UBE2E2: variants seen among roughly 807,000 people sequenced by gnomAD.
UBE2E2 encodes the protein ubiquitin-conjugating enzyme E2 E2.
UBE2E2 carries 6 observed loss-of-function variants against 24.7 expected under a neutral mutation model. That is an observed-to-expected ratio of 0.24 (90% confidence interval 0.13 to 0.48). The LOEUF is 0.48. Ranked by LOEUF, UBE2E2 falls within the 20% of genes least tolerant of loss-of-function variation. UBE2E2 has a pLI of 0.99. For synonymous variants in UBE2E2, 104 were observed against 83.6 expected (o/e 1.24, Z -1.33); for missense variants, 169 against 245.0 (o/e 0.69, Z 2.07).
At chr3:23,293,104 T>TGTG (rs200855375) in intron 3 of UBE2E2, among the ~76,000 whole-genome samples, 1 of 152,220 alleles carries the variant, frequency 6.6e-6, no homozygotes, top group Admixed American at 6.5e-5. Context: ...GTATCCTTTT[T>TGTG]GTGGTGGTGG....
At chr3:23,432,407 A>G (rs1221405773) in intron 3 of UBE2E2, among the ~76,000 whole-genome samples, 5 of 152,086 alleles carry the variant, frequency 3.3e-5, no homozygotes, top group African/African-American at 9.7e-5. Flanking sequence ...TTTAAAAGCA[A>G]ATTTCTAGAA....
At chr3:23,310,063 A>G (rs1022204466) in intron 3 of UBE2E2, among the ~76,000 whole-genome samples, 1 of 152,230 alleles carries the variant, frequency 6.6e-6, no homozygotes, top group East Asian at 1.9e-4. Flanking sequence ...CCCATGTTCA[A>G]CAGACCGAGA....
At chr3:23,549,155 A>G (rs559591246) in intron 5 of UBE2E2, among the ~76,000 whole-genome samples, 1 of 152,350 alleles carries the variant, frequency 6.6e-6, no homozygotes, top group South Asian at 2.1e-4. Flanking sequence ...TCATGCACAT[A>G]GCATAATAAT....
chr3:23,521,462 G>A (rs1694865276), intron 4 of UBE2E2, among the ~76,000 whole-genome samples: 1 of 152,222 alleles, frequency 6.6e-6, no homozygotes, highest in South Asian at 2.1e-4. Flanking sequence ...TCTTGTCTAA[G>A]AGATGTTGGT....
intron 4 of UBE2E2, among the ~76,000 whole-genome samples, chr3:23,512,961 C>G (rs1432962025): frequency 6.6e-6 from 1 of 152,004 alleles, no homozygotes; most frequent in Non-Finnish European, 1.5e-5. Flanking sequence ...TACATAAAAA[C>G]TTAAAATATC....
chr3:23,535,671 T>A (rs1360846530), intron 5 of UBE2E2, among the ~76,000 whole-genome samples: 1 of 140,394 alleles, frequency 7.1e-6, no homozygotes, highest in East Asian at 2.3e-4. Flanking sequence ...TCGCCCAGGC[T>A]GGATTGCAAT....
intron 3 of UBE2E2, among the ~76,000 whole-genome samples, chr3:23,402,959 A>G (rs1027096703): frequency 2.0e-5 from 3 of 152,130 alleles, no homozygotes; most frequent in African/African-American, 7.2e-5. Context: ...CTTAAGCTTT[A>G]TGGGCCAAAG....
chr3:23,354,488 C>G lies in UBE2E2; in HGVS notation c.227+137176C>G, dbSNP rs1695875311. 1.3e-5 allele frequency among the ~76,000 whole-genome samples: 2 copies of G among 152,156 alleles called. 1 individual carries two copies. The highest frequency in any genetic ancestry group is 1.3e-4 in the Admixed American group (2 of 15,274). On this transcript the variant is annotated intron_variant, in intron 3 of 5. Coordinates refer to ENST00000396703, the MANE Select transcript of UBE2E2 (RefSeq NM_152653.4). ...AAATTTTCGCAACCTACTCATCTGA[C>G]AAAGGGCTAATATCCAGAATCTACA...
At chr3:23,564,028 G>GT (rs201961932) in intron 5 of UBE2E2, among the ~76,000 whole-genome samples, 538 of 139,168 alleles carry the variant, frequency 3.9e-3, no homozygotes, top group South Asian at 8.7e-3. Context: ...AAGGAAAGAG[G>GT]TTTTTTCTGT....
intron 3 of UBE2E2, among the ~76,000 whole-genome samples, chr3:23,257,512 G>GGCCCCCC (rs1697762836): frequency 6.4e-5 from 2 of 31,148 alleles, no homozygotes; most frequent in Non-Finnish European, 5.9e-5. Flanking sequence ...TGTTTCCCGT[G>GGCCCCCC]CCCCCCCCCC....
At chr3:23,528,837 C>A (rs759418762) in intron 4 of UBE2E2, among the ~76,000 whole-genome samples, 1 of 152,128 alleles carries the variant, frequency 6.6e-6, no homozygotes, top group African/African-American at 2.4e-5. Context: ...ATCTAGCACG[C>A]CTGTTTGGGG....
chr3:23,294,782 T>A (rs1253345910), intron 3 of UBE2E2, among the ~76,000 whole-genome samples: 2 of 149,746 alleles, frequency 1.3e-5, no homozygotes, highest in African/African-American at 4.9e-5. Flanking sequence ...ATTAGATATT[T>A]TTGTATCTTT....
At position 23,334,875 on chromosome 3, in the gene UBE2E2, A is replaced by G. The variant is rs542361655; in HGVS notation, c.227+117563A>G. Among the ~76,000 whole-genome samples, 122 of 152,350 alleles carry G rather than the reference A, an allele frequency of 8.0e-4. 5 individuals are homozygous for G. In the South Asian group the frequency reaches 0.024, roughly 29 times the overall value. ...TCAGCTATTGATATGTGAATTATCC[A>G]GAATAGCTGTCTGTTCTGTTTGAAA... is the stretch of plus-strand genomic sequence containing the variant. On this transcript the variant is annotated intron_variant, in intron 3 of 5. Transcript: ENST00000396703.
At chr3:23,420,179 G>C (rs1316445094) in intron 3 of UBE2E2, among the ~76,000 whole-genome samples, 1 of 152,144 alleles carries the variant, frequency 6.6e-6, no homozygotes, top group Non-Finnish European at 1.5e-5. Flanking sequence ...TAAGCTCTTT[G>C]ACGGCAGTAT....
chr3:23,246,290 G>A (rs1451418570), intron 3 of UBE2E2, among the ~76,000 whole-genome samples: 3 of 147,524 alleles, frequency 2.0e-5, no homozygotes, highest in African/African-American at 5.1e-5. Context: ...GCGCAATCTC[G>A]GCTCACTGCA....
At chr3:23,255,593 G>A (rs1286081531) in intron 3 of UBE2E2, among the ~76,000 whole-genome samples, 1 of 152,062 alleles carries the variant, frequency 6.6e-6, no homozygotes, top group Non-Finnish European at 1.5e-5. Context: ...GAGAAAAAGG[G>A]CATTTCCAGA....
intron 5 of UBE2E2, among the ~76,000 whole-genome samples, chr3:23,568,172 C>A (rs925220318): frequency 1.1e-4 from 16 of 152,178 alleles, no homozygotes; most frequent in African/African-American, 3.9e-4. Context: ...GGCTCAAGTT[C>A]AGATTCCCAC....
chr3:23,356,096 T>C (rs1695941420), intron 3 of UBE2E2, among the ~76,000 whole-genome samples: 1 of 152,050 alleles, frequency 6.6e-6, no homozygotes, highest in African/African-American at 2.4e-5. Flanking sequence ...AGTAGCAGAG[T>C]AGACCTGATG....
At chr3:23,441,416 G>A (rs1055979249) in intron 3 of UBE2E2, among the ~76,000 whole-genome samples, 2 of 150,776 alleles carry the variant, frequency 1.3e-5, no homozygotes, top group Admixed American at 1.3e-4. Context: ...GCGGGCGCCT[G>A]TAGTCCCAGC....
Sources: allele counts gnomAD v4.1 joint callset (sites outside exome capture counted in the v4.1 genomes callset), GRCh38; gene constraint gnomAD v4.1.1; transcripts MANE v1.5; gene names NCBI Gene and HGNC (gene_info 2026-07-23, HGNC 2026-07-21).